Variants in ATG2B observed in about 807,000 individuals in gnomAD.
ATG2B encodes the protein autophagy-related protein 2 homolog B.
ATG2B carries 121 observed loss-of-function variants against 241.3 expected under a neutral mutation model. The ratio of observed to expected loss-of-function variants is 0.50; its 90% CI spans 0.43 to 0.58. The LOEUF is 0.58. Ranked by LOEUF, ATG2B falls within the 20% of genes least tolerant of loss-of-function variation. ATG2B has a pLI of 0.00. For missense variants in ATG2B, 2,306 were observed against 2,491.6 expected (o/e 0.93, Z 1.59); for synonymous variants, 858 against 876.6 (o/e 0.98, Z 0.37).
chr14:96,312,199 G>A (rs1887177908), intron 25 of ATG2B, 40 bp from the exon 26 acceptor site: 1 of 1,446,000 alleles, frequency 6.9e-7, no homozygotes, highest in Admixed American at 1.9e-5. Context: ...GAAAAACTAA[G>A]CTTTGAGTAT....
intron 5 of ATG2B, 29 bp from the exon 6 acceptor site, chr14:96,341,730 TA>T (rs1485264289): frequency 7.0e-7 from 1 of 1,420,784 alleles, no homozygotes; most frequent in Non-Finnish European, 9.4e-7. Flanking sequence ...AATAATTATT[TA>T]AAATACTTTC....
chr14:96,332,886 G>A (rs1887778566), intron 8 of ATG2B, among the ~76,000 whole-genome samples: 2 of 151,938 alleles, frequency 1.3e-5, no homozygotes, highest in Admixed American at 1.3e-4. Flanking sequence ...TGATGAACAT[G>A]TTTTCTTTTG....
rs776491576 is a variant in ATG2B at position 96,304,613 on chromosome 14, A to AG, written c.4734-11dup. The AG allele has an allele frequency of 7.1e-7, 1 of 1,401,640 alleles. No individual in the cohort carries two copies. Among genetic ancestry groups the AG allele is most frequent in the Middle Eastern group, 1.8e-4 (1 of 5,482 alleles). The allele number at this position is 1,401,640 out of a possible 1,614,324, so 86.8% of individuals were successfully genotyped here. On this transcript the variant is annotated splice_polypyrimidine_tract_variant and intron_variant, in intron 31 of 41. Transcript: ENST00000359933. ...CGAACTGTGGGGACTACTAAAAATG[A>AG]GCAAAAAAAAAAAAAACCCTTTTGT... is the stretch of plus-strand genomic sequence containing the variant.
At chr14:96,301,908 G>T in intron 34 of ATG2B, 99 bp downstream of exon 34, 3 of 904,806 alleles carry the variant, frequency 3.3e-6, no homozygotes, top group Non-Finnish European at 3.4e-6. Context: ...ATATGTAACC[G>T]CCATAAAAGT....
At position 96,290,604 on chromosome 14, in the gene ATG2B, C is replaced by T; in HGVS notation, c.5702-14G>A. The T allele has an allele frequency of 6.2e-7, 1 of 1,613,100 alleles. No homozygotes were observed. Among genetic ancestry groups the T allele is most frequent in the South Asian group, 1.1e-5 (1 of 90,952 alleles). ...TTAGGCCTTGTACTACAACAGTCAA[C>T]ACAAAATCAACATCAGTGCCACAGT... On this transcript the variant is annotated splice_polypyrimidine_tract_variant and intron_variant, in intron 39 of 41. Transcript: ENST00000359933. The surrounding 1 kb of genome is among the most constrained non-coding windows in gnomAD (Gnocchi z 4.4).
intron 1 of ATG2B, among the ~76,000 whole-genome samples, chr14:96,360,180 A>C (rs1358448147): frequency 6.6e-6 from 1 of 152,258 alleles, no homozygotes; most frequent in African/African-American, 2.4e-5. Flanking sequence ...TTTAAAGATA[A>C]GCATTTTCCT....
At position 96,311,625 on chromosome 14, in the gene ATG2B, T is replaced by C. The variant is rs773728058; in HGVS notation, c.3914-7A>G. On this transcript the variant is annotated splice_polypyrimidine_tract_variant and splice_region_variant and intron_variant, in intron 26 of 41. Coordinates refer to ENST00000359933, the MANE Select transcript of ATG2B (RefSeq NM_018036.7). The stretch of plus-strand genomic sequence containing the variant: ...TCCATCACACGAACATAATCTAAAA[T>C]TTTTAAAATTAAGAAAATCTCTTCA... 4 of 1,597,106 alleles carry C rather than the reference T, an allele frequency of 2.5e-6. No homozygotes were observed. The highest frequency in any genetic ancestry group is 3.4e-6 in the Non-Finnish European group (4 of 1,167,262).
chr14:96,351,082 C>A (rs1443091035), intron 1 of ATG2B, among the ~76,000 whole-genome samples: 2 of 152,202 alleles, frequency 1.3e-5, no homozygotes, highest in Non-Finnish European at 2.9e-5. Context: ...CTCAGAAATT[C>A]AAAGAACTCA....
Position 96,333,802 on chromosome 14 carries a change from G to T in ATG2B, c.1093C>A (p.Arg365=). The T allele has an allele frequency of 1.2e-6, 2 of 1,613,816 alleles. No homozygotes were observed. The highest frequency in any genetic ancestry group is 1.7e-6 in the Non-Finnish European group (2 of 1,179,876). The change falls in exon 8 of 42, where the codon CGA becomes AGA. Residue 365 remains arginine (R), a synonymous_variant. Coordinates refer to ENST00000359933, the MANE Select transcript of ATG2B (RefSeq NM_018036.7). ...TACCGGTTTAATTCCATCTGAATTC[G>T]ATACTCGTCTTCCTGCTGCATGGGT... ...NRPMQQEDEY[R]IQMELNRYYL...
chr14:96,320,171 A>G (rs993135105), intron 18 of ATG2B, among the ~76,000 whole-genome samples: 19 of 152,198 alleles, frequency 1.2e-4, no homozygotes, highest in African/African-American at 4.6e-4. Context: ...GAAGCCCCCA[A>G]TATGCTAACT....
chr14:96,285,675 G>A lies in ATG2B; in HGVS notation c.*80C>T, dbSNP rs1595287736. 9.9e-6 allele frequency: 13 copies of A among 1,306,608 alleles called. No individual in the cohort carries two copies. In the East Asian group the frequency reaches 2.6e-4, roughly 26 times the overall value. The allele number at this position is 1,306,608 out of a possible 1,614,324, so 80.9% of individuals were successfully genotyped here. A position where few individuals can be genotyped will look rare whatever the true frequency, so the allele number is the denominator to read the frequency against. On this transcript the variant is annotated 3_prime_UTR_variant, in exon 42 of 42. Transcript: ENST00000359933. The surrounding 1 kb of genome is among the most constrained non-coding windows in gnomAD (Gnocchi z 4.2). ...TGAGATGAGCACAATAAAATTAAAC[G>A]AGCTTCCTCTGAAGCTGCTGTCAGG...
chr14:96,353,574 C>T (rs1028140728), intron 1 of ATG2B, among the ~76,000 whole-genome samples: 8 of 151,482 alleles, frequency 5.3e-5, no homozygotes, highest in South Asian at 2.1e-4. Context: ...TGCAGAGAGC[C>T]GAGATTGTGC....
intron 34 of ATG2B, among the ~76,000 whole-genome samples, chr14:96,301,270 G>A (rs1472163342): frequency 1.3e-5 from 2 of 152,020 alleles, no homozygotes; most frequent in African/African-American, 4.8e-5. Context: ...AGGAACTAAG[G>A]CTTGGAGATG....
chr14:96,286,039 GA>G, intron 41 of ATG2B, 54 bp from the exon 42 acceptor site: 1 of 1,438,000 alleles, frequency 7.0e-7, no homozygotes, highest in East Asian at 2.4e-5. Flanking sequence ...ACTCTGGTCG[GA>G]AAACTCTCTA....
intron 15 of ATG2B, among the ~76,000 whole-genome samples, chr14:96,325,323 TAC>T (rs1887561305): frequency 6.6e-6 from 1 of 152,156 alleles, no homozygotes; most frequent in Non-Finnish European, 1.5e-5. Flanking sequence ...ATATTTAACA[TAC>T]AGTGGCACTT....
In ATG2B at chr14:96,331,603, T is replaced by C; in HGVS notation, c.1503A>G (p.Ser501=). The C allele has an allele frequency of 3.7e-6, 6 of 1,613,258 alleles. No individual in the cohort carries two copies. The highest frequency in any genetic ancestry group is 4.2e-6 in the Non-Finnish European group (5 of 1,179,550). ...CTAGTCTAAAAATAAGTTCAGGCCTTGATTCATCCACTGAAACAGATCTAG... is the reference window on the plus strand; with the variant it reads ...CTAGTCTAAAAATAAGTTCAGGCCTCGATTCATCCACTGAAACAGATCTAG... ...LPSRSVSVDE[S]RPELIFRLAV... The change falls in exon 11 of 42, where the codon TCA becomes TCG. Residue 501 remains serine, a synonymous_variant. Transcript: ENST00000359933.
At chr14:96,291,020 C>CA in intron 38 of ATG2B, 85 bp from the exon 39 acceptor site, 1 of 1,195,558 alleles carries the variant, frequency 8.4e-7, no homozygotes, top group Admixed American at 2.8e-5. Flanking sequence ...TTACTTAAAA[C>CA]AAATTCTACA....
chr14:96,344,711 A>G lies in ATG2B; in HGVS notation c.524T>C (p.Ile175Thr), dbSNP rs990871343. ...KVTFIDTVLR[I>T]EHVPENSKTG... ...TTTGGAATTTTCTGGCACATGTTCA[A>G]TTCTCAAAACAGTATCTATAAAAGT... is the stretch of plus-strand genomic sequence containing the variant. Residue 175 changes from isoleucine (I) to threonine (T), a missense_variant, in exon 4 of 42, where the codon ATT becomes ACT. By Grantham distance (89) the Ile-to-Thr change is moderately conservative. This residue lies in a region of ATG2B where 1,927 missense variants were observed against 2,011.2 expected (regional missense o/e 0.96). Coordinates refer to ENST00000359933, the MANE Select transcript of ATG2B (RefSeq NM_018036.7). The G allele has an allele frequency of 6.2e-7, 1 of 1,606,702 alleles. No homozygotes were observed. The highest frequency in any genetic ancestry group is 1.1e-5 in the South Asian group (1 of 89,960).
At chr14:96,322,343 T>C in intron 17 of ATG2B, 89 bp from the exon 18 acceptor site, 1 of 1,441,386 alleles carries the variant, frequency 6.9e-7, no homozygotes, top group South Asian at 1.3e-5. Flanking sequence ...GGACTTGGTA[T>C]GTGAGAAATA....
Sources: allele counts gnomAD v4.1 joint callset (sites outside exome capture counted in the v4.1 genomes callset), GRCh38; gene constraint gnomAD v4.1.1; regional missense constraint gnomAD v4.1.1; non-coding constraint Gnocchi (gnomAD v3.1); transcripts MANE v1.5; gene names NCBI Gene and HGNC (gene_info 2026-07-23, HGNC 2026-07-21).